STK32B: variants seen among roughly 807,000 people sequenced by gnomAD.
STK32B encodes the protein serine/threonine-protein kinase 32B.
In STK32B, 43 loss-of-function variants were observed where a neutral mutation model predicts 52.6. The observed-to-expected ratio is 0.82, with a 90% CI of 0.64 to 1.05. The LOEUF (loss-of-function observed/expected upper bound fraction) is 1.05, where lower values mean the gene tolerates loss of function less well. Among genes scored for constraint, STK32B ranks in the 50% least tolerant of loss-of-function variants. The pLI is 0.00. For synonymous variants in STK32B, 238 were observed against 204.3 expected (o/e 1.17, Z -1.41); for missense variants, 621 against 534.6 (o/e 1.16, Z -1.59).
intron 3 of STK32B, among the ~76,000 whole-genome samples, chr4:5,229,469 T>C (rs1390279393): frequency 6.6e-6 from 1 of 152,172 alleles, no homozygotes. Context: ...TTTTCTTTGT[T>C]TTCTGACCTG....
At chr4:5,137,016 T>A (rs1026642145) in intron 1 of STK32B, among the ~76,000 whole-genome samples, 9 of 152,170 alleles carry the variant, frequency 5.9e-5, no homozygotes, top group African/African-American at 2.2e-4. Flanking sequence ...AGTGGGAATA[T>A]TTACAATGTT....
intron 7 of STK32B, among the ~76,000 whole-genome samples, chr4:5,447,712 C>G (rs191721228): frequency 6.6e-6 from 1 of 152,322 alleles, no homozygotes; most frequent in East Asian, 1.9e-4. Flanking sequence ...AAAAGGATGT[C>G]ACTTCACCAT....
intron 6 of STK32B, among the ~76,000 whole-genome samples, chr4:5,417,676 A>C (rs546332801): frequency 2.4e-4 from 36 of 152,198 alleles, no homozygotes; most frequent in Non-Finnish European, 4.1e-4. Context: ...TTCAGGTCTT[A>C]TATAATTTTG....
At chr4:5,219,503 T>G (rs913244306) in intron 3 of STK32B, among the ~76,000 whole-genome samples, 3 of 152,242 alleles carry the variant, frequency 2.0e-5, no homozygotes, top group African/African-American at 4.8e-5. Context: ...TTGGTGGTGT[T>G]TGTGAAGACA....
intron 3 of STK32B, among the ~76,000 whole-genome samples, chr4:5,270,641 T>C (rs995948734): frequency 3.3e-5 from 5 of 152,172 alleles, no homozygotes; most frequent in African/African-American, 9.7e-5. Context: ...CCCCCTGAGA[T>C]CTGGAACAAA....
upstream of STK32B, among the ~76,000 whole-genome samples, chr4:5,049,225 C>G (rs1421505741): frequency 6.6e-6 from 1 of 151,058 alleles, no homozygotes. Context: ...GAGACGGAGT[C>G]TCACTCTGTC....
In STK32B at chr4:5,400,642, T is replaced by G. The variant is rs1270204228; in HGVS notation, c.472+2398T>G. ...TTGCAGGTGGTACAGAAAAGAAATT[T>G]AGGAGCAGGGAATTCCGCTCAGAAA... On this transcript the variant is annotated intron_variant, in intron 5 of 11. Transcript: ENST00000282908. This position sits in a 1 kb window ranked among gnomAD's most constrained non-coding sequence, Gnocchi z 6.1. Among the ~76,000 whole-genome samples the G allele has an allele frequency of 6.6e-6, 1 of 152,140 alleles. No individual in the cohort carries two copies. Among genetic ancestry groups the G allele is most frequent in the African/African-American group, 2.4e-5 (1 of 41,434 alleles).
At chr4:5,293,614 T>A (rs1473711130) in intron 3 of STK32B, among the ~76,000 whole-genome samples, 1 of 152,184 alleles carries the variant, frequency 6.6e-6, no homozygotes, top group Non-Finnish European at 1.5e-5. Context: ...TCATGTCCTT[T>A]GCCCACTTTT....
chr4:5,444,440 A>G (rs933690229), intron 6 of STK32B, among the ~76,000 whole-genome samples: 8 of 152,200 alleles, frequency 5.3e-5, no homozygotes, highest in East Asian at 3.9e-4. Flanking sequence ...AAGTGAGGCA[A>G]TGCCTCGCCC....
chr4:5,162,599 TTAA>T (rs1364063340), intron 2 of STK32B, among the ~76,000 whole-genome samples: 5 of 152,192 alleles, frequency 3.3e-5, no homozygotes, highest in Non-Finnish European at 2.9e-5. Flanking sequence ...TAAGTTGTAA[TTAA>T]TAATGATGAC....
At chr4:5,364,887 T>G (rs1353189239) in intron 4 of STK32B, among the ~76,000 whole-genome samples, 1 of 152,158 alleles carries the variant, frequency 6.6e-6, no homozygotes, top group African/African-American at 2.4e-5. Flanking sequence ...TTATTAATTA[T>G]TATTTAGATG....
At chr4:5,088,450 A>G (rs1334053032) in intron 1 of STK32B, among the ~76,000 whole-genome samples, 2 of 152,126 alleles carry the variant, frequency 1.3e-5, no homozygotes, top group Non-Finnish European at 2.9e-5. Flanking sequence ...AATAACTAAA[A>G]GAATATAATT....
intron 7 of STK32B, among the ~76,000 whole-genome samples, chr4:5,451,836 A>G (rs1044746993): frequency 2.6e-5 from 4 of 152,170 alleles, no homozygotes; most frequent in African/African-American, 4.8e-5. Flanking sequence ...GCCATAGAAC[A>G]ACCAGGAGGA....
At chr4:5,141,852 T>G (rs146369081) in intron 2 of STK32B, among the ~76,000 whole-genome samples, 75 of 152,282 alleles carry the variant, frequency 4.9e-4, no homozygotes, top group South Asian at 3.9e-3. Flanking sequence ...GATTTTCTCC[T>G]CAGGTTTCCT....
intron 3 of STK32B, among the ~76,000 whole-genome samples, chr4:5,245,267 T>C (rs1725355690): frequency 6.6e-6 from 1 of 152,240 alleles, no homozygotes; most frequent in Non-Finnish European, 1.5e-5. Flanking sequence ...TGCTCCTGTA[T>C]TGGGTGCATA....
At chr4:5,123,193 G>A (rs1450373278) in intron 1 of STK32B, among the ~76,000 whole-genome samples, 1 of 152,116 alleles carries the variant, frequency 6.6e-6, no homozygotes, top group Admixed American at 6.6e-5. Flanking sequence ...AGAGACAGAA[G>A]GTGTTGCTCC....
intron 11 of STK32B, among the ~76,000 whole-genome samples, chr4:5,479,204 C>G (rs1364847201): frequency 6.6e-6 from 1 of 150,802 alleles, no homozygotes; most frequent in African/African-American, 2.4e-5. Context: ...ACTGCAACCT[C>G]CGCCTCCCGG....
intron 2 of STK32B, among the ~76,000 whole-genome samples, chr4:5,158,386 T>C (rs1265986799): frequency 9.2e-5 from 14 of 152,084 alleles, no homozygotes; most frequent in Admixed American, 9.2e-4. Context: ...AGCAGGGGCA[T>C]TCACTTATTT....
At chr4:5,476,873 G>T (rs966780834) in intron 11 of STK32B, among the ~76,000 whole-genome samples, 2 of 151,514 alleles carry the variant, frequency 1.3e-5, no homozygotes, top group Non-Finnish European at 2.9e-5. Context: ...GGGAGAGACA[G>T]AAGAGAGGCT....
Sources: gnomAD v4.1 joint callset for allele counts (sites outside exome capture counted in the v4.1 genomes callset) on GRCh38, gnomAD v4.1.1 for gene constraint, Gnocchi (gnomAD v3.1) non-coding constraint, MANE v1.5 for transcripts, NCBI Gene and HGNC (gene_info 2026-07-23, HGNC 2026-07-21) for gene names.